NIPBL: variants seen among roughly 807,000 people sequenced by gnomAD.
The protein encoded by NIPBL is nipped-B-like protein.
In NIPBL, 19 loss-of-function variants were observed where a neutral mutation model predicts 321.8. That is an observed-to-expected ratio of 0.06 (90% CI 0.04 to 0.09). The LOEUF (loss-of-function observed/expected upper bound fraction) is 0.09. Among genes scored for constraint, NIPBL ranks in the 10% least tolerant of loss-of-function variants. The pLI is 1.00. For missense variants in NIPBL, 2,210 were observed against 3,327.0 expected, an observed-to-expected ratio of 0.66 and a Z score of 8.26; for synonymous variants, 1,106 against 1,114.1, an observed-to-expected ratio of 0.99 and a Z score of 0.14.
intron 1 of NIPBL, among the ~76,000 whole-genome samples, chr5:36,919,437 G>A (rs1748745533): frequency 6.6e-6 from 1 of 151,784 alleles, no homozygotes; most frequent in African/African-American, 2.4e-5. Context: ...GGGCTTGAGT[G>A]ATCCTTCCAC....
intron 34 of NIPBL, among the ~76,000 whole-genome samples, chr5:37,041,430 A>AT (rs1263335291): frequency 1.3e-5 from 2 of 150,130 alleles, no homozygotes; most frequent in Admixed American, 6.6e-5. Context: ...CACCTGGCTA[A>AT]TTTTTTGTAT....
chr5:37,046,238 A>G, intron 38 of NIPBL, 39 bp downstream of exon 38: 1 of 1,045,336 alleles, frequency 9.6e-7, no homozygotes, highest in African/African-American at 1.6e-5. Flanking sequence ...GCTATTTGAG[A>G]GGGATAGAGC....
chr5:36,922,948 G>GA (rs1212519640), intron 1 of NIPBL, among the ~76,000 whole-genome samples: 1 of 151,922 alleles, frequency 6.6e-6, no homozygotes, highest in African/African-American at 2.4e-5. Context: ...CAAAGTTAAA[G>GA]AAAAATACAT....
At chr5:37,056,248 T>C (rs1475764629) in intron 42 of NIPBL, among the ~76,000 whole-genome samples, 2 of 152,182 alleles carry the variant, frequency 1.3e-5, no homozygotes, top group Non-Finnish European at 2.9e-5. Flanking sequence ...GATACTCTTA[T>C]GAATATTAAT....
At chr5:36,946,247 G>T (rs1281995846) in intron 1 of NIPBL, among the ~76,000 whole-genome samples, 1 of 151,870 alleles carries the variant, frequency 6.6e-6, no homozygotes, top group East Asian at 1.9e-4. Context: ...AGCATAGTAT[G>T]TTAACAGATT....
chr5:37,054,421 G>A (rs183566341), intron 42 of NIPBL, among the ~76,000 whole-genome samples: 1 of 152,276 alleles, frequency 6.6e-6, no homozygotes, highest in African/African-American at 2.4e-5. Context: ...ATGATATAAT[G>A]TAGTGCTTTT....
At chr5:36,997,884 G>GA (rs1432848633) in intron 11 of NIPBL, among the ~76,000 whole-genome samples, 8 of 151,530 alleles carry the variant, frequency 5.3e-5, no homozygotes, top group Admixed American at 5.3e-4. Context: ...CTGAGAGAGA[G>GA]AAAAAAAAAT....
At chr5:36,971,446 G>A (rs895671942) in intron 7 of NIPBL, among the ~76,000 whole-genome samples, 2 of 151,088 alleles carry the variant, frequency 1.3e-5, no homozygotes, top group African/African-American at 4.9e-5. Flanking sequence ...TTTAGATAAT[G>A]AGCCTGTATT....
At chr5:36,963,218 CA>C (rs1741828910) in intron 6 of NIPBL, among the ~76,000 whole-genome samples, 1 of 151,900 alleles carries the variant, frequency 6.6e-6, no homozygotes, top group Non-Finnish European at 1.5e-5. Context: ...TTTTTTAAAG[CA>C]GAAAAGTGCA....
At chr5:36,923,743 C>CT (rs999482668) in intron 1 of NIPBL, among the ~76,000 whole-genome samples, 4 of 152,090 alleles carry the variant, frequency 2.6e-5, no homozygotes, top group African/African-American at 9.7e-5. Context: ...AAATGAGACT[C>CT]TAAGGGGATA....
intron 15 of NIPBL, 62 bp from the exon 16 acceptor site, chr5:37,003,199 G>A: frequency 3.1e-6 from 3 of 964,230 alleles, no homozygotes. Flanking sequence ...TGTACAGATT[G>A]TTTCTTGAAT....
At position 36,996,246 on chromosome 5, in the gene NIPBL, A is replaced by C. The variant is rs298969; in HGVS notation, c.3304+442A>C. On this transcript the variant is annotated intron_variant, in intron 11 of 46. Transcript: ENST00000282516. This position sits in a 1 kb window ranked among gnomAD's most constrained non-coding sequence, Gnocchi z 5.0. ...ATGGGAACACATTGGATTGGCATCA[A>C]AATCAGAGTGGGGGCTCAGGGAATG... Among the ~76,000 whole-genome samples the C allele has an allele frequency of 6.6e-6, 1 of 152,192 alleles. No homozygotes were observed. Among genetic ancestry groups the C allele is most frequent in the African/African-American group, 2.4e-5 (1 of 41,438 alleles).
chr5:36,942,874 G>C (rs1312027442), intron 1 of NIPBL, among the ~76,000 whole-genome samples: 1 of 151,948 alleles, frequency 6.6e-6, no homozygotes, highest in South Asian at 2.1e-4. Flanking sequence ...CACAAATACA[G>C]CGCAAGGGAA....
chr5:36,885,234 C>G, intron 1 of NIPBL: 1 of 533,602 alleles, frequency 1.9e-6, no homozygotes, highest in Non-Finnish European at 3.8e-6. Context: ...TCCACCTTCT[C>G]CACCAACTAC....
chr5:37,000,957 G>A lies in NIPBL; in HGVS notation c.3575-32G>A, dbSNP rs746633542. On this transcript the variant is annotated intron_variant, in intron 13 of 46. Coordinates refer to ENST00000282516, the MANE Select transcript of NIPBL (RefSeq NM_133433.4). ...AGCTTCACATGTCTACTTGTAATGT[G>A]AGAATAATGAATATATTTTTCTCTC... 1.9e-6 allele frequency: 3 copies of A among 1,590,860 alleles called. No homozygotes were observed. In the East Asian group the frequency reaches 6.7e-5, roughly 36 times the overall value.
chr5:36,936,434 T>C (rs1166991740), intron 1 of NIPBL, among the ~76,000 whole-genome samples: 1 of 152,156 alleles, frequency 6.6e-6, no homozygotes, highest in Non-Finnish European at 1.5e-5. Context: ...CTGTATAGGT[T>C]TGTAGCCTAG....
chr5:37,038,551 T>C (rs767686446), intron 33 of NIPBL, 51 bp from the exon 34 acceptor site: 7 of 1,548,976 alleles, frequency 4.5e-6, no homozygotes, highest in Non-Finnish European at 8.9e-7. Context: ...CTGTATAGTT[T>C]CCACTACCTT....
intron 22 of NIPBL, 135 bp downstream of exon 22, chr5:37,014,900 T>C (rs112320449): frequency 1.5e-6 from 1 of 658,046 alleles, no homozygotes. Context: ...GGTTTCTTGA[T>C]CTTTAAAATG....
intron 42 of NIPBL, among the ~76,000 whole-genome samples, chr5:37,054,491 G>A (rs1002636561): frequency 7.9e-5 from 12 of 152,114 alleles, no homozygotes; most frequent in African/African-American, 1.7e-4. Context: ...TAGTGATTAC[G>A]GTTAGTATAT....
Sources: allele counts gnomAD v4.1 joint callset (sites outside exome capture counted in the v4.1 genomes callset), GRCh38; gene constraint gnomAD v4.1.1; non-coding constraint Gnocchi (gnomAD v3.1); transcripts MANE v1.5; gene names NCBI Gene and HGNC (gene_info 2026-07-23, HGNC 2026-07-21).